Variants in RICTOR observed in about 807,000 individuals in gnomAD.
The protein encoded by RICTOR is rapamycin-insensitive companion of mTOR.
Under a neutral mutation model 214.9 loss-of-function variants are expected in RICTOR, and 49 were observed. The ratio of observed to expected loss-of-function variants is 0.23; its 90% CI spans 0.18 to 0.29. The LOEUF is 0.29. Ranked by LOEUF, RICTOR falls within the 10% of genes least tolerant of loss-of-function variation. RICTOR has a pLI of 1.00. For synonymous variants in RICTOR, 717 were observed against 711.3 expected, an observed-to-expected ratio of 1.01 and a Z score of -0.13; for missense variants, 1,625 against 2,047.0, an observed-to-expected ratio of 0.79 and a Z score of 3.98.
intron 4 of RICTOR, 130 bp downstream of exon 4, chr5:39,003,428 A>C: frequency 3.6e-6 from 2 of 561,290 alleles, no homozygotes; most frequent in Non-Finnish European, 6.2e-6. Flanking sequence ...GATTTTTTCT[A>C]ATGTTCAAGC....
chr5:38,992,339 G>C (rs1159572690), intron 6 of RICTOR, among the ~76,000 whole-genome samples: 1 of 152,066 alleles, frequency 6.6e-6, no homozygotes. Context: ...TCTTATGTCG[G>C]TAAGTTCTTT....
At chr5:38,943,465 T>TA (rs1747821844) in intron 36 of RICTOR, among the ~76,000 whole-genome samples, 1 of 152,072 alleles carries the variant, frequency 6.6e-6, no homozygotes, top group South Asian at 2.1e-4. Flanking sequence ...AGAGGTCTGC[T>TA]GTGGGACCCT....
At chr5:39,052,515 A>G (rs970855736) in intron 2 of RICTOR, among the ~76,000 whole-genome samples, 10 of 152,178 alleles carry the variant, frequency 6.6e-5, no homozygotes, top group African/African-American at 1.9e-4. Context: ...TTATCTGCAT[A>G]AAAAAAGAAC....
At chr5:38,990,534 T>C (rs62359803) in intron 7 of RICTOR, among the ~76,000 whole-genome samples, 3,593 of 22,578 alleles carry the variant, frequency 0.16, 235 homozygotes, top group African/African-American at 0.28. Flanking sequence ...ACGATATATA[T>C]ACGATATATA....
chr5:39,008,820 G>A (rs552867632), intron 3 of RICTOR, among the ~76,000 whole-genome samples: 196 of 151,586 alleles, frequency 1.3e-3, no homozygotes, highest in African/African-American at 4.6e-3. Context: ...ACATATTTCA[G>A]AATACTAGCA....
intron 26 of RICTOR, among the ~76,000 whole-genome samples, 165 bp downstream of exon 26, chr5:38,955,430 G>T (rs1561453673): frequency 1.3e-5 from 2 of 152,054 alleles, no homozygotes; most frequent in Non-Finnish European, 2.9e-5. Context: ...TGCGTTATCA[G>T]TAAGGATATT....
intron 2 of RICTOR, among the ~76,000 whole-genome samples, chr5:39,055,805 G>T (rs1037754005): frequency 6.6e-6 from 1 of 152,308 alleles, no homozygotes; most frequent in South Asian, 2.1e-4. Flanking sequence ...AACAGAACTA[G>T]AACAGGGAGA....
chr5:38,973,281 C>CG, intron 10 of RICTOR, among the ~76,000 whole-genome samples: 1 of 152,100 alleles, frequency 6.6e-6, no homozygotes, highest in Non-Finnish European at 1.5e-5. Context: ...TCTCTCCCCC[C>CG]GACAACAAAT....
Position 38,954,780 on chromosome 5 carries a change from T to A in RICTOR, c.2691A>T (p.Glu897Asp). 1 of 1,580,678 alleles carries A rather than the reference T, an allele frequency of 6.3e-7. No individual in the cohort carries two copies. The highest frequency in any genetic ancestry group is 8.7e-7 in the Non-Finnish European group (1 of 1,150,832). ...AAGTGAATTATGTTTTTACCTGTACTTCCAACAAATGGCAGCCTGTTTTAT... is the reference window on the plus strand; with the variant it reads ...AAGTGAATTATGTTTTTACCTGTACATCCAACAAATGGCAGCCTGTTTTAT... ...VHHKTGCHLL[E>D]VQNIITELCR... The change falls in exon 27 of 38, where the codon GAA becomes GAT. Residue 897 changes from glutamate to aspartate, a missense_variant. This residue lies in a region of RICTOR where 1,214 missense variants were observed against 1,470.5 expected (regional missense o/e 0.83). Coordinates refer to ENST00000357387, the MANE Select transcript of RICTOR (RefSeq NM_152756.5).
chr5:38,944,469 T>C lies in RICTOR; in HGVS notation c.4890A>G (p.Lys1630=). 1.2e-6 allele frequency: 2 copies of C among 1,610,806 alleles called. No individual in the cohort carries two copies. The highest frequency in any genetic ancestry group is 1.7e-6 in the Non-Finnish European group (2 of 1,178,766). Reference sequence around the variant, plus strand: ...ACGTTAAAAGCCCAGTCTCATGACATTTAGTTGAAACTGAACTACTCAAAT... The same window carrying C: ...ACGTTAAAAGCCCAGTCTCATGACACTTAGTTGAAACTGAACTACTCAAAT... ...VINLSSSVST[K]CHETGLLTIK... The change falls in exon 36 of 38, where the codon AAA becomes AAG. Residue 1630 remains lysine, a synonymous_variant. Coordinates refer to ENST00000357387, the MANE Select transcript of RICTOR (RefSeq NM_152756.5).
At chr5:39,040,128 T>C (rs1757057329) in intron 2 of RICTOR, among the ~76,000 whole-genome samples, 1 of 152,110 alleles carries the variant, frequency 6.6e-6, no homozygotes, top group South Asian at 2.1e-4. Context: ...CATGGAATAC[T>C]ATGCAGCCAT....
chr5:38,944,200 G>C, intron 36 of RICTOR: 1 of 572,352 alleles, frequency 1.7e-6, no homozygotes, highest in Non-Finnish European at 3.3e-6. Flanking sequence ...ATTTTTTGCA[G>C]ATCTCTTCAA....
At chr5:38,988,887 T>G (rs1185701222) in intron 7 of RICTOR, among the ~76,000 whole-genome samples, 1 of 152,128 alleles carries the variant, frequency 6.6e-6, no homozygotes, top group Non-Finnish European at 1.5e-5. Flanking sequence ...TGGAAGAACA[T>G]TCCATGCTCA....
At chr5:39,063,280 A>G (rs1257757678) in intron 2 of RICTOR, among the ~76,000 whole-genome samples, 2 of 152,204 alleles carry the variant, frequency 1.3e-5, no homozygotes, top group Non-Finnish European at 2.9e-5. Context: ...CTTTCAGTCC[A>G]GCAGTACCTT....
Position 39,068,425 on chromosome 5 carries a change from A to G in RICTOR, c.97+5686T>C, listed in dbSNP as rs567555723. ...AAGTGAACTATGCAGAGAGGCAGAT[A>G]TATTGAGATGTGTATGGTTAAAATA... is the stretch of plus-strand genomic sequence containing the variant. On this transcript the variant is annotated intron_variant, in intron 2 of 37. Transcript: ENST00000357387. Among the ~76,000 whole-genome samples, 3 of 152,334 alleles carry G rather than the reference A, an allele frequency of 2.0e-5. No individual in the cohort carries two copies. The South Asian group carries it at 6.2e-4, about 32-fold the overall frequency.
intron 5 of RICTOR, among the ~76,000 whole-genome samples, chr5:38,997,131 GACT>G (rs759734659): frequency 1.8e-4 from 28 of 152,008 alleles, no homozygotes; most frequent in Admixed American, 3.3e-4. Context: ...TAATTTACAA[GACT>G]ACATCTATTC....
intron 19 of RICTOR, among the ~76,000 whole-genome samples, chr5:38,961,107 CA>C (rs373078252): frequency 6.7e-6 from 1 of 150,054 alleles, no homozygotes; most frequent in South Asian, 2.1e-4. Flanking sequence ...CATTTCATAC[CA>C]AAAAAAACCC....
At position 38,952,347 on chromosome 5, in the gene RICTOR, A is replaced by G; in HGVS notation, c.2976T>C (p.Ala992=). ...ACAGATGTTTGCGACTATGCCTCAC[A>G]GCATCCCAGTTGTGACATTTTAGAA... is the stretch of plus-strand genomic sequence containing the variant. ...CDILKCHNWD[A]VRHSRKHLWP... The change falls in exon 30 of 38, where the codon GCT becomes GCC. Residue 992 remains alanine (A), a synonymous_variant. Coordinates refer to ENST00000357387, the MANE Select transcript of RICTOR (RefSeq NM_152756.5). 2 of 1,613,108 alleles carry G rather than the reference A, an allele frequency of 1.2e-6. No individual in the cohort carries two copies. The highest frequency in any genetic ancestry group is 1.7e-6 in the Non-Finnish European group (2 of 1,179,344).
chr5:38,965,816 A>G (rs1271937424), intron 15 of RICTOR, among the ~76,000 whole-genome samples: 2 of 152,132 alleles, frequency 1.3e-5, no homozygotes, highest in African/African-American at 4.8e-5. Context: ...GAGGAGGGGA[A>G]GAGATCAAGA....
Sources: allele counts gnomAD v4.1 joint callset (sites outside exome capture counted in the v4.1 genomes callset), GRCh38; gene constraint gnomAD v4.1.1; regional missense constraint gnomAD v4.1.1; transcripts MANE v1.5; gene names NCBI Gene and HGNC (gene_info 2026-07-23, HGNC 2026-07-21).